FAM193A: variants seen among roughly 807,000 people sequenced by gnomAD.
FAM193A encodes the protein family with sequence similarity 193 member A.
A neutral mutation model predicts 126.5 loss-of-function variants in FAM193A; 22 were observed. That is an observed-to-expected ratio of 0.17 (90% confidence interval 0.12 to 0.25). The LOEUF (loss-of-function observed/expected upper bound fraction) is 0.25, where lower values mean the gene tolerates loss of function less well. FAM193A is among the 10% of genes least tolerant of loss of function. The pLI is 1.00. For synonymous variants in FAM193A, 761 were observed against 646.8 expected (o/e 1.18, Z -2.68); for missense variants, 1,675 against 1,672.8 (o/e 1.00, Z -0.02).
chr4:2,583,744 A>C (rs1247051691), intron 1 of FAM193A, among the ~76,000 whole-genome samples: 1 of 152,070 alleles, frequency 6.6e-6, no homozygotes, highest in African/African-American at 2.4e-5. Context: ...GATTGTGTCT[A>C]CCCCAGGTGA....
chr4:2,690,747 T>C lies in FAM193A; in HGVS notation c.2580T>C (p.Leu860=), dbSNP rs1264557492. 6.2e-7 allele frequency: 1 copy of C among 1,614,066 alleles called. No homozygotes were observed. The highest frequency in any genetic ancestry group is 1.7e-5 in the Admixed American group (1 of 60,006). ...TCTCAGAAACAAGACCGGAAGCCCT[T>C]CCACCTCCATCTAGCAATGAAACAC... The part of the protein sequence containing the change: ...PTLSETRPEA[L]PPPSSNETPA... Residue 860 remains leucine, a synonymous_variant, in exon 15 of 21, where the codon CTT becomes CTC. Transcript: ENST00000637812.
At chr4:2,636,960 G>A (rs550483376) in intron 5 of FAM193A, among the ~76,000 whole-genome samples, 179 of 152,258 alleles carry the variant, frequency 1.2e-3, no homozygotes, top group Non-Finnish European at 2.3e-3. Context: ...CTCACGTGAG[G>A]TTTATTCCAC....
intron 5 of FAM193A, among the ~76,000 whole-genome samples, chr4:2,636,613 A>T (rs1744117797): frequency 6.6e-6 from 1 of 152,160 alleles, no homozygotes; most frequent in Admixed American, 6.5e-5. Flanking sequence ...TATCTTCTGG[A>T]TGTTGACAGT....
rs1313477715 is a variant in FAM193A, at chr4:2,716,111, G to A, written c.4454+7G>A. Reference sequence around the variant, plus strand: ...AAGTGGAATATTTCAAAAGGTAAATGTGGAGGCTGTGTCTGAAACCGTGGT... The same window carrying A: ...AAGTGGAATATTTCAAAAGGTAAATATGGAGGCTGTGTCTGAAACCGTGGT... On this transcript the variant is annotated splice_region_variant and intron_variant, in intron 20 of 20. Coordinates refer to ENST00000637812, the MANE Select transcript of FAM193A (RefSeq NM_001366318.2). 4 of 1,565,316 alleles carry A rather than the reference G, an allele frequency of 2.6e-6. No individual in the cohort carries two copies. The highest frequency in any genetic ancestry group is 1.1e-5 in the South Asian group (1 of 90,136).
At chr4:2,613,608 C>T (rs1742010361) in intron 2 of FAM193A, among the ~76,000 whole-genome samples, 1 of 151,940 alleles carries the variant, frequency 6.6e-6, no homozygotes, top group African/African-American at 2.4e-5. Flanking sequence ...CATGTGCCCC[C>T]ATGCCTGGCT....
intron 6 of FAM193A, among the ~76,000 whole-genome samples, chr4:2,645,909 T>G (rs1745091706): frequency 6.6e-6 from 1 of 152,244 alleles, no homozygotes; most frequent in Admixed American, 6.5e-5. Context: ...TTGTTTTGCT[T>G]TATTTGAAAA....
chr4:2,703,544 G>A (rs868150608), intron 19 of FAM193A, among the ~76,000 whole-genome samples: 2 of 152,184 alleles, frequency 1.3e-5, no homozygotes, highest in South Asian at 2.1e-4. Context: ...ACCGTGCCCG[G>A]ACTCAATGCT....
chr4:2,652,582 T>C (rs1408054007), intron 7 of FAM193A, among the ~76,000 whole-genome samples: 1 of 152,044 alleles, frequency 6.6e-6, no homozygotes, highest in Non-Finnish European at 1.5e-5. Flanking sequence ...GGGGAGGTGC[T>C]ACACACTTTT....
At chr4:2,697,142 A>C in intron 18 of FAM193A, among the ~76,000 whole-genome samples, 1 of 152,168 alleles carries the variant, frequency 6.6e-6, no homozygotes. Context: ...GGAAGACATG[A>C]GCAGTTCCCT....
chr4:2,644,088 G>A (rs1744899585), intron 6 of FAM193A, among the ~76,000 whole-genome samples: 1 of 152,118 alleles, frequency 6.6e-6, no homozygotes, highest in African/African-American at 2.4e-5. Context: ...TGTTTGCTGA[G>A]CCATTGATTT....
Position 2,700,323 on chromosome 4 carries a change from C to T in FAM193A, c.4151C>T (p.Thr1384Ile), listed in dbSNP as rs1449896188. ...AAGGTGGTCGACCTCATGTCCATCA[C>T]AGAGCAGAAAAGAGAGGAGAGAAAA... ...KAKVVDLMSITEQKREERKVN... is the reference protein window; with the variant it reads ...KAKVVDLMSIIEQKREERKVN... Residue 1384 changes from threonine (T) to isoleucine (I), a missense_variant, in exon 19 of 21, where the codon ACA (threonine) becomes ATA (isoleucine). Thr to Ile is a moderately conservative substitution (Grantham distance 89, BLOSUM62 -1). Transcript: ENST00000637812. The T allele has an allele frequency of 6.8e-6, 11 of 1,614,018 alleles. No homozygotes were observed. Among genetic ancestry groups the T allele is most frequent in the Non-Finnish European group, 9.3e-6 (11 of 1,180,010 alleles).
At chr4:2,542,402 C>T (rs1399837767) in intron 1 of FAM193A, among the ~76,000 whole-genome samples, 2 of 152,180 alleles carry the variant, frequency 1.3e-5, no homozygotes, top group African/African-American at 4.8e-5. Flanking sequence ...CCTGGGCCTC[C>T]AAAAGTGCTG....
At chr4:2,562,128 T>C (rs1738652888) in intron 1 of FAM193A, among the ~76,000 whole-genome samples, 1 of 152,130 alleles carries the variant, frequency 6.6e-6, no homozygotes, top group South Asian at 2.1e-4. Context: ...ATGATAATTG[T>C]AATTGTCACT....
At chr4:2,579,747 A>C (rs1460230612) in intron 1 of FAM193A, among the ~76,000 whole-genome samples, 1 of 152,160 alleles carries the variant, frequency 6.6e-6, no homozygotes, top group Non-Finnish European at 1.5e-5. Context: ...TTCAGCAGTG[A>C]GAATGGCTGT....
chr4:2,628,254 A>C (rs188890196), intron 4 of FAM193A, among the ~76,000 whole-genome samples: 1 of 152,294 alleles, frequency 6.6e-6, no homozygotes, highest in African/African-American at 2.4e-5. Flanking sequence ...GATTAGCCAT[A>C]GATTAGGTTA....
At chr4:2,566,671 G>A (rs554412834) in intron 1 of FAM193A, among the ~76,000 whole-genome samples, 1 of 152,168 alleles carries the variant, frequency 6.6e-6, no homozygotes, top group East Asian at 1.9e-4. Flanking sequence ...CTGGGGGACA[G>A]AGTGAGACTC....
chr4:2,710,680 G>C (rs1316784437), intron 19 of FAM193A, among the ~76,000 whole-genome samples: 1 of 151,234 alleles, frequency 6.6e-6, no homozygotes, highest in Non-Finnish European at 1.5e-5. Context: ...TTTTTTTGTA[G>C]TTTTTGTAGG....
intron 20 of FAM193A, among the ~76,000 whole-genome samples, chr4:2,728,366 G>C (rs1009971495): frequency 6.8e-6 from 1 of 147,580 alleles, no homozygotes; most frequent in African/African-American, 2.5e-5. Context: ...TACCTCCCCA[G>C]CCCAACCCCA....
At chr4:2,539,265 G>C (rs1737075857) in intron 1 of FAM193A, among the ~76,000 whole-genome samples, 1 of 152,124 alleles carries the variant, frequency 6.6e-6, no homozygotes, top group Non-Finnish European at 1.5e-5. Flanking sequence ...ATAGGGTCTT[G>C]CTATGTTGCC....
Sources: gnomAD v4.1 joint callset for allele counts (sites outside exome capture counted in the v4.1 genomes callset) on GRCh38, gnomAD v4.1.1 for gene constraint, MANE v1.5 for transcripts, NCBI Gene and HGNC (gene_info 2026-07-23, HGNC 2026-07-21) for gene names.